The following GCM1 variants were observed in gnomAD, a reference collection of about 807,000 sequenced individuals.
GCM1 encodes the protein chorion-specific transcription factor GCMa.
Under a neutral mutation model 25.7 loss-of-function variants are expected in GCM1, and 2 were observed. That is an observed-to-expected ratio of 0.08 (90% confidence interval 0.03 to 0.24). GCM1 has a LOEUF of 0.24. Among genes scored for constraint, GCM1 ranks in the 10% least tolerant of loss-of-function variants. GCM1 has a pLI of 1.00. For synonymous variants in GCM1, 183 were observed against 195.7 expected, an observed-to-expected ratio of 0.94 and a Z score of 0.54; for missense variants, 395 against 538.7, an observed-to-expected ratio of 0.73 and a Z score of 2.64.
rs372757811 is a variant in GCM1, at chr6:53,138,952, T to C, written c.76-4628A>G. On this transcript the variant is annotated intron_variant, in intron 2 of 5. Coordinates refer to ENST00000259803, the MANE Select transcript of GCM1 (RefSeq NM_003643.4). Reference sequence around the variant, plus strand: ...AGGTTATCTGAAGAAATGAAGTATGTATTGTTATATAAAACTAATCAATTA... The same window carrying C: ...AGGTTATCTGAAGAAATGAAGTATGCATTGTTATATAAAACTAATCAATTA... Among the ~76,000 whole-genome samples the C allele has an allele frequency of 4.6e-5, 7 of 152,352 alleles. No individual in the cohort carries two copies. The East Asian group carries it at 9.6e-4, about 21-fold the overall frequency.
At chr6:53,137,332 T>G (rs1273831797) in intron 2 of GCM1, among the ~76,000 whole-genome samples, 2 of 152,212 alleles carry the variant, frequency 1.3e-5, no homozygotes, top group Non-Finnish European at 2.9e-5. Flanking sequence ...CCAGGCAGCA[T>G]GCCTCCTGCT....
rs781288161 is a variant in GCM1, at chr6:53,145,547, C to A, written c.75+11G>T. 4 of 1,384,116 alleles carry A rather than the reference C, an allele frequency of 2.9e-6. No homozygotes were observed. The highest frequency in any genetic ancestry group is 3.1e-6 in the Non-Finnish European group (3 of 970,382). 85.7% of individuals were successfully genotyped at this position (1,384,116 alleles called of 1,614,324 possible). A position where few individuals can be genotyped will look rare whatever the true frequency, so the allele number is the denominator to read the frequency against. ...CAATGTTGAAGGCAGATTTTTATAG[C>A]AAGTACATACCTGTGGCAGTTTCAC... is the stretch of plus-strand genomic sequence containing the variant. On this transcript the variant is annotated intron_variant, in intron 2 of 5. Coordinates refer to ENST00000259803, the MANE Select transcript of GCM1 (RefSeq NM_003643.4).
intron 1 of GCM1, among the ~76,000 whole-genome samples, chr6:53,147,920 G>C (rs1289441902): frequency 6.6e-6 from 1 of 152,120 alleles, no homozygotes; most frequent in Non-Finnish European, 1.5e-5. Context: ...ATCCCTGAAA[G>C]TATAGTCTTT....
chr6:53,134,235 G>A lies in GCM1; in HGVS notation c.165C>T (p.His55=). 2.5e-6 allele frequency: 4 copies of A among 1,614,136 alleles called. 1 individual carries two copies. The Middle Eastern group carries it at 6.6e-4, about 266-fold the overall frequency. ...YSSEDKNAQR[H]LSSWAMRNTN... ...TATTGCGCATGGCCCAGCTGCTCAG[G>A]TGCCGCTGCGCATTCTTGTCCTCCG... Residue 55 remains histidine (H), a synonymous_variant, in exon 3 of 6, where the codon CAC becomes CAT. Coordinates refer to ENST00000259803, the MANE Select transcript of GCM1 (RefSeq NM_003643.4).
At chr6:53,132,218 C>T (rs1229421679) in intron 3 of GCM1, 99 bp from the exon 4 acceptor site, 21 of 776,532 alleles carry the variant, frequency 2.7e-5, no homozygotes, top group Non-Finnish European at 4.5e-5. Flanking sequence ...TCAAGGACGG[C>T]AGAGTATAAA....
chr6:53,141,097 C>T (rs1763866667), intron 2 of GCM1, among the ~76,000 whole-genome samples: 1 of 152,176 alleles, frequency 6.6e-6, no homozygotes, highest in Non-Finnish European at 1.5e-5. Context: ...TTTCAAACTC[C>T]TCTAGCATTT....
intron 2 of GCM1, among the ~76,000 whole-genome samples, chr6:53,143,506 T>C (rs1441869427): frequency 2.0e-5 from 3 of 152,374 alleles, no homozygotes; most frequent in African/African-American, 7.2e-5. Context: ...GTCTTCTACA[T>C]ATCTGTTTAC....
At chr6:53,145,065 A>G (rs1209382375) in intron 2 of GCM1, among the ~76,000 whole-genome samples, 5 of 152,188 alleles carry the variant, frequency 3.3e-5, no homozygotes, top group Non-Finnish European at 7.3e-5. Context: ...AGGAAAGGGA[A>G]GAAAGAAGAG....
intron 2 of GCM1, among the ~76,000 whole-genome samples, chr6:53,138,178 A>G (rs1177948374): frequency 6.7e-6 from 1 of 149,920 alleles, no homozygotes; most frequent in East Asian, 2.0e-4. Flanking sequence ...GTTACTCAGG[A>G]GGCTGAGGCA....
At chr6:53,131,035 G>A (rs878979394) in intron 4 of GCM1, 104 bp from the exon 5 acceptor site, 47 of 1,085,802 alleles carry the variant, frequency 4.3e-5, no homozygotes, top group Non-Finnish European at 6.1e-5. Flanking sequence ...CCCGGGGGTG[G>A]TGTTGCAGTT....
rs781507485 is a variant in GCM1, at chr6:53,128,884, G to T, written c.633C>A (p.Gly211=). ...SLPLTWSFQE[G]VQLPGSYSGH... ...CACTGTAACTACCAGGCAATTGGACGCCTTCCTGGAAAGACCAAGTTAAAG... is the reference window on the plus strand; with the variant it reads ...CACTGTAACTACCAGGCAATTGGACTCCTTCCTGGAAAGACCAAGTTAAAG... The change falls in exon 6 of 6, where the codon GGC becomes GGA. Residue 211 remains glycine, a synonymous_variant. Transcript: ENST00000259803. The T allele has an allele frequency of 3.7e-6, 6 of 1,609,290 alleles. No homozygotes were observed. Among genetic ancestry groups the T allele is most frequent in the Middle Eastern group, 1.7e-4 (1 of 6,048 alleles).
chr6:53,134,622 T>C (rs1029215882), intron 2 of GCM1, among the ~76,000 whole-genome samples: 7 of 152,186 alleles, frequency 4.6e-5, no homozygotes, highest in African/African-American at 1.4e-4. Context: ...AATGACCATT[T>C]CTCAGTAGGA....
intron 2 of GCM1, among the ~76,000 whole-genome samples, chr6:53,143,402 C>T (rs980490783): frequency 6.6e-6 from 1 of 152,096 alleles, no homozygotes; most frequent in Non-Finnish European, 1.5e-5. Context: ...AATCCTGTCC[C>T]AGAAAAAATT....
At position 53,128,585 on chromosome 6, in the gene GCM1, T is replaced by A; in HGVS notation, c.932A>T (p.Asn311Ile). The change falls in exon 6 of 6, where the codon AAC becomes ATC. Residue 311 changes from asparagine (N) to isoleucine (I), a missense_variant. Coordinates refer to ENST00000259803, the MANE Select transcript of GCM1 (RefSeq NM_003643.4). Reference protein sequence around the residue: ...AALGRNHLADNCYSNYPFPLT... With the variant: ...AALGRNHLADICYSNYPFPLT... ...AGGAAAAGGATAATTGGAATAACAG[T>A]TGTCAGCAAGATGATTTCTCCCCAA... 1 of 1,614,088 alleles carries A rather than the reference T, an allele frequency of 6.2e-7. No individual in the cohort carries two copies. The highest frequency in any genetic ancestry group is 8.5e-7 in the Non-Finnish European group (1 of 1,179,978).
In GCM1 at chr6:53,132,114, G is replaced by A. The variant is rs775932349; in HGVS notation, c.334C>T (p.Arg112Cys). Residue 112 changes from arginine to cysteine, a missense_variant, in exon 4 of 6, where the codon CGC becomes TGC. By Grantham distance (180) the Arg-to-Cys change is radical. This residue lies in a region of GCM1 where 32 missense variants were observed against 97.7 expected (regional missense o/e 0.33). Coordinates refer to ENST00000259803, the MANE Select transcript of GCM1 (RefSeq NM_003643.4). The part of the protein sequence containing the change: ...DKARQKQQRK[R>C]CPNCDGPLKL... ...AGAGGCCCGTCACAGTTGGGACAGC[G>A]TTTCCCTACAAAAGAGCAGAGGAAA... 11 of 1,601,722 alleles carry A rather than the reference G, an allele frequency of 6.9e-6. No individual in the cohort carries two copies. The highest frequency in any genetic ancestry group is 2.2e-5 in the South Asian group (2 of 90,792).
chr6:53,136,071 G>A (rs1042161745), intron 2 of GCM1, among the ~76,000 whole-genome samples: 4 of 152,248 alleles, frequency 2.6e-5, no homozygotes, highest in Non-Finnish European at 2.9e-5. Flanking sequence ...GGGGCCTGAG[G>A]TGGTCTGAGG....
chr6:53,145,667 C>T lies in GCM1; in HGVS notation c.-35G>A, dbSNP rs766210321. On this transcript the variant is annotated 5_prime_UTR_variant, in exon 2 of 6. Coordinates refer to ENST00000259803, the MANE Select transcript of GCM1 (RefSeq NM_003643.4). Reference sequence around the variant, plus strand: ...AGGCCAGCCAAGGTTTTCACCTATTCGACTCCCCTCAGAAATGCTTGAGAA... The same window carrying T: ...AGGCCAGCCAAGGTTTTCACCTATTTGACTCCCCTCAGAAATGCTTGAGAA... 2 of 1,176,920 alleles carry T rather than the reference C, an allele frequency of 1.7e-6. No individual in the cohort carries two copies. The highest frequency in any genetic ancestry group is 2.5e-5 in the South Asian group (2 of 81,336). The allele number at this position is 1,176,920 out of a possible 1,614,324, so 72.9% of individuals were successfully genotyped here.
intron 2 of GCM1, among the ~76,000 whole-genome samples, chr6:53,144,784 G>A (rs995638673): frequency 3.3e-5 from 5 of 151,926 alleles, no homozygotes; most frequent in East Asian, 1.9e-4. Flanking sequence ...GCTTGTTGGC[G>A]TGTGCCTATG....
intron 2 of GCM1, among the ~76,000 whole-genome samples, chr6:53,134,924 G>A (rs1339328244): frequency 2.0e-5 from 3 of 152,226 alleles, no homozygotes; most frequent in Non-Finnish European, 4.4e-5. Context: ...GAGATAAGCA[G>A]TGGGAGGGAT....
Sources: gnomAD v4.1 joint callset for allele counts (sites outside exome capture counted in the v4.1 genomes callset) on GRCh38, gnomAD v4.1.1 for gene constraint, gnomAD v4.1.1 regional missense constraint, MANE v1.5 for transcripts, NCBI Gene and HGNC (gene_info 2026-07-23, HGNC 2026-07-21) for gene names.